Variants in TAFA2 observed in about 807,000 individuals in gnomAD.
The protein encoded by TAFA2 is TAFA chemokine like family member 2.
TAFA2 carries 7 observed loss-of-function variants against 18.8 expected under a neutral mutation model. The ratio of observed to expected loss-of-function variants is 0.37; its 90% CI spans 0.21 to 0.70. The LOEUF (loss-of-function observed/expected upper bound fraction) is 0.70. Among genes scored for constraint, TAFA2 ranks in the 30% least tolerant of loss-of-function variants. The probability of loss-of-function intolerance (pLI) is 0.53; values close to 1 mark genes in which losing one functional copy is unlikely to be tolerated. For synonymous variants in TAFA2, 60 were observed against 54.2 expected, an observed-to-expected ratio of 1.11 and a Z score of -0.47; for missense variants, 122 against 158.1, an observed-to-expected ratio of 0.77 and a Z score of 1.23.
intron 1 of TAFA2, among the ~76,000 whole-genome samples, chr12:62,236,934 G>A (rs567231236): frequency 3.3e-5 from 5 of 151,984 alleles, no homozygotes; most frequent in East Asian, 3.9e-4. Context: ...AGTCTTATTC[G>A]GGTTGAATCT....
At chr12:61,996,477 G>A (rs2136695107) in intron 1 of TAFA2, among the ~76,000 whole-genome samples, 1 of 152,290 alleles carries the variant, frequency 6.6e-6, no homozygotes, top group African/African-American at 2.4e-5. Flanking sequence ...TGTGTGCAAA[G>A]TTGGAGGAGG....
chr12:62,189,720 T>A (rs945964375), intron 1 of TAFA2, among the ~76,000 whole-genome samples: 4 of 152,246 alleles, frequency 2.6e-5, no homozygotes, highest in African/African-American at 4.8e-5. Context: ...AATTAATTGT[T>A]CATTTGTCTT....
At chr12:61,941,600 C>T (rs1379577730) in intron 1 of TAFA2, among the ~76,000 whole-genome samples, 7 of 152,088 alleles carry the variant, frequency 4.6e-5, no homozygotes, top group South Asian at 2.1e-4. Flanking sequence ...GTGCGTGCAC[C>T]GTGCGTGAGC....
At chr12:62,106,798 T>C (rs1285804198) in intron 1 of TAFA2, among the ~76,000 whole-genome samples, 1 of 152,210 alleles carries the variant, frequency 6.6e-6, no homozygotes, top group Non-Finnish European at 1.5e-5. Context: ...ATAGCTTCAC[T>C]GTCAGGAGTA....
chr12:62,237,409 T>C (rs1223445887), intron 1 of TAFA2, among the ~76,000 whole-genome samples: 1 of 152,252 alleles, frequency 6.6e-6, no homozygotes, highest in African/African-American at 2.4e-5. Flanking sequence ...AATCTCTTTG[T>C]TAAATTTATC....
intron 2 of TAFA2, among the ~76,000 whole-genome samples, chr12:61,778,730 C>T (rs529821316): frequency 6.6e-6 from 1 of 152,026 alleles, no homozygotes; most frequent in East Asian, 1.9e-4. Context: ...CACTTATTAG[C>T]TGTGCTCTTG....
intron 1 of TAFA2, among the ~76,000 whole-genome samples, chr12:62,218,814 A>C (rs1049609428): frequency 1.3e-5 from 2 of 152,124 alleles, no homozygotes; most frequent in African/African-American, 4.8e-5. Context: ...TAGATATCTA[A>C]AGGACATTTA....
At chr12:61,826,150 A>T (rs1029670003) in intron 2 of TAFA2, among the ~76,000 whole-genome samples, 1 of 152,072 alleles carries the variant, frequency 6.6e-6, no homozygotes, top group African/African-American at 2.4e-5. Context: ...GCCAACAAGC[A>T]CATAACACCA....
At chr12:62,032,694 C>T (rs1881492197) in intron 1 of TAFA2, among the ~76,000 whole-genome samples, 1 of 152,004 alleles carries the variant, frequency 6.6e-6, no homozygotes, top group Non-Finnish European at 1.5e-5. Flanking sequence ...TCTGTGGCTC[C>T]TTTTTAAACA....
chr12:61,713,458 A>C (rs558772811), intron 4 of TAFA2, among the ~76,000 whole-genome samples: 28 of 152,286 alleles, frequency 1.8e-4, no homozygotes, highest in African/African-American at 6.7e-4. Context: ...GACATTCATG[A>C]AAGTTTAGAG....
intron 1 of TAFA2, among the ~76,000 whole-genome samples, chr12:61,940,405 C>T (rs541547625): frequency 9.9e-5 from 15 of 152,254 alleles, no homozygotes; most frequent in African/African-American, 3.4e-4. Flanking sequence ...GAGGAGTGGC[C>T]ATCAGGGCTT....
chr12:62,011,069 C>T (rs1880743904), intron 1 of TAFA2, among the ~76,000 whole-genome samples: 1 of 136,782 alleles, frequency 7.3e-6, no homozygotes, highest in African/African-American at 2.7e-5. Flanking sequence ...CCCAGCCGCC[C>T]CGTCTGGGAG....
At chr12:61,724,823 T>C (rs947493380) in intron 4 of TAFA2, among the ~76,000 whole-genome samples, 5 of 150,914 alleles carry the variant, frequency 3.3e-5, no homozygotes, top group Non-Finnish European at 4.4e-5. Context: ...TGGGTGTATA[T>C]GTATATACAC....
chr12:62,251,787 G>A (rs1372301548), intron 1 of TAFA2, among the ~76,000 whole-genome samples: 2 of 152,174 alleles, frequency 1.3e-5, no homozygotes, highest in Non-Finnish European at 2.9e-5. Flanking sequence ...GCCCCCTGAA[G>A]AGAGCATGAA....
At chr12:61,849,264 G>T (rs370246402) in intron 2 of TAFA2, among the ~76,000 whole-genome samples, 6 of 152,242 alleles carry the variant, frequency 3.9e-5, no homozygotes, top group Admixed American at 2.0e-4. Flanking sequence ...ATGTTCAGAG[G>T]TAATATGTTT....
chr12:61,724,421 G>A (rs1178697040), intron 4 of TAFA2, among the ~76,000 whole-genome samples: 1 of 151,158 alleles, frequency 6.6e-6, no homozygotes, highest in African/African-American at 2.4e-5. Flanking sequence ...TGGGGGAACA[G>A]GTGGTTTTTG....
chr12:61,882,147 A>C (rs1274433178), intron 1 of TAFA2, among the ~76,000 whole-genome samples: 2 of 152,196 alleles, frequency 1.3e-5, no homozygotes, highest in African/African-American at 4.8e-5. Context: ...GAGAATCCAG[A>C]GGCTAAAACA....
intron 1 of TAFA2, among the ~76,000 whole-genome samples, chr12:62,000,044 G>T (rs74096157): frequency 0.14 from 20,787 of 152,104 alleles, 1,851 homozygotes; most frequent in East Asian, 0.37. Context: ...AAATAAATCA[G>T]ATGCTTAGAT....
At position 62,087,933 on chromosome 12, in the gene TAFA2, A is replaced by G. The variant is rs143990979; in HGVS notation, c.-2+103326T>C. ...AAAGCCAACAAATCTTGCTGTTTTC[A>G]TTATAAATAGGGTAATCATACATTC... On this transcript the variant is annotated intron_variant, in intron 1 of 4. Coordinates refer to ENST00000416284, the MANE Select transcript of TAFA2 (RefSeq NM_178539.5). 2.6e-4 allele frequency among the ~76,000 whole-genome samples: 39 copies of G among 152,240 alleles called. No individual in the cohort carries two copies. In the East Asian group the frequency reaches 6.8e-3, roughly 26 times the overall value.
Sources: gnomAD v4.1 joint callset for allele counts (sites outside exome capture counted in the v4.1 genomes callset) on GRCh38, gnomAD v4.1.1 for gene constraint, MANE v1.5 for transcripts, NCBI Gene and HGNC (gene_info 2026-07-23, HGNC 2026-07-21) for gene names.